ELK3: variants seen among roughly 807,000 people sequenced by gnomAD.
ELK3 encodes the protein ETS transcription factor ELK3.
A neutral mutation model predicts 28.9 loss-of-function variants in ELK3; 10 were observed. The ratio of observed to expected loss-of-function variants is 0.35; its 90% CI spans 0.21 to 0.59. ELK3 has a LOEUF of 0.59. Among genes scored for constraint, ELK3 ranks in the 20% least tolerant of loss-of-function variants. The pLI is 0.82. For missense variants in ELK3, 463 were observed against 517.3 expected (o/e 0.90, Z 1.02); for synonymous variants, 272 against 243.5 (o/e 1.12, Z -1.09).
At chr12:96,237,704 C>T (rs1417832362) in intron 2 of ELK3, among the ~76,000 whole-genome samples, 1 of 152,230 alleles carries the variant, frequency 6.6e-6, no homozygotes, top group East Asian at 1.9e-4. Flanking sequence ...CCGCTTGAGC[C>T]CAGGAGCTCC....
intron 1 of ELK3, among the ~76,000 whole-genome samples, chr12:96,201,337 G>C (rs117053570): frequency 5.1e-4 from 78 of 152,230 alleles, no homozygotes; most frequent in Admixed American, 9.8e-4. Flanking sequence ...AGTTGAAGTG[G>C]AGGCTGGGTG....
intron 1 of ELK3, among the ~76,000 whole-genome samples, chr12:96,216,601 G>T (rs1453978410): frequency 6.6e-6 from 1 of 152,170 alleles, no homozygotes; most frequent in East Asian, 1.9e-4. Flanking sequence ...ATGCCTTCTA[G>T]CCTGGTGAAG....
chr12:96,213,026 G>C (rs1951587782), intron 1 of ELK3, among the ~76,000 whole-genome samples: 1 of 152,156 alleles, frequency 6.6e-6, no homozygotes, highest in African/African-American at 2.4e-5. Flanking sequence ...TTTGTCAGGG[G>C]CTGTGTTGGA....
chr12:96,195,174 G>T (rs1951454690), intron 1 of ELK3, among the ~76,000 whole-genome samples: 1 of 152,132 alleles, frequency 6.6e-6, no homozygotes, highest in Admixed American at 6.5e-5. Flanking sequence ...AGCTGGGACC[G>T]CAGTCAGGCT....
intron 1 of ELK3, among the ~76,000 whole-genome samples, chr12:96,215,255 AAAG>A (rs1370492975): frequency 2.0e-5 from 3 of 152,310 alleles, no homozygotes; most frequent in South Asian, 2.1e-4. Context: ...CCATCAGTAG[AAAG>A]AAGAACAAAT....
At chr12:96,232,138 G>A (rs930868695) in intron 2 of ELK3, among the ~76,000 whole-genome samples, 8 of 152,220 alleles carry the variant, frequency 5.3e-5, no homozygotes, top group African/African-American at 1.9e-4. Flanking sequence ...TAAAGGCAGG[G>A]ACGTGTGGAT....
chr12:96,203,743 C>T (rs767299304), intron 1 of ELK3, among the ~76,000 whole-genome samples: 1 of 152,156 alleles, frequency 6.6e-6, no homozygotes, highest in Non-Finnish European at 1.5e-5. Context: ...AAGTTCGATA[C>T]CAGCCTGGCC....
intron 3 of ELK3, among the ~76,000 whole-genome samples, chr12:96,257,070 C>T (rs905627581): frequency 5.3e-5 from 8 of 152,344 alleles, no homozygotes; most frequent in South Asian, 4.1e-4. Context: ...CTTGTTAAAA[C>T]GAGACTGTCT....
intron 2 of ELK3, among the ~76,000 whole-genome samples, chr12:96,226,266 T>C (rs879718519): frequency 3.3e-5 from 5 of 152,192 alleles, no homozygotes; most frequent in African/African-American, 4.8e-5. Flanking sequence ...CCCCTTTCTC[T>C]CTTGCCAGGC....
intron 2 of ELK3, among the ~76,000 whole-genome samples, chr12:96,245,738 G>C (rs935216038): frequency 6.6e-6 from 1 of 152,110 alleles, no homozygotes; most frequent in African/African-American, 2.4e-5. Context: ...GCAAGCATTT[G>C]GTAGGTAAAT....
chr12:96,199,515 A>T (rs922328758), intron 1 of ELK3, among the ~76,000 whole-genome samples: 19 of 110,080 alleles, frequency 1.7e-4, no homozygotes, highest in African/African-American at 2.1e-4. Context: ...TGTGTGTGTG[A>T]CCTTCTGTGA....
Position 96,267,071 on chromosome 12 carries a change from GT to G in ELK3, c.1126-10del. ...GCAATAATTATTGTAAAAATCTTTT[GT>G]CCCCTACAGTTCCCCACACTGCTTA... On this transcript the variant is annotated splice_polypyrimidine_tract_variant and intron_variant, in intron 4 of 4. Transcript: ENST00000228741. 1 of 1,602,298 alleles carries G rather than the reference GT, an allele frequency of 6.2e-7. No individual in the cohort carries two copies. Among genetic ancestry groups the G allele is most frequent in the Non-Finnish European group, 8.5e-7 (1 of 1,176,150 alleles).
chr12:96,263,019 T>C (rs1411165250), intron 4 of ELK3, among the ~76,000 whole-genome samples: 2 of 152,140 alleles, frequency 1.3e-5, no homozygotes, highest in Non-Finnish European at 2.9e-5. Context: ...ATGTACGCTA[T>C]AGATGTAATG....
chr12:96,223,829 T>C, intron 2 of ELK3, 56 bp downstream of exon 2: 1 of 1,544,504 alleles, frequency 6.5e-7, no homozygotes, highest in Non-Finnish European at 8.9e-7. Context: ...CCCCTCTGCG[T>C]AGTTCACTGA....
intron 3 of ELK3, among the ~76,000 whole-genome samples, chr12:96,256,417 C>T (rs1486199403): frequency 6.6e-6 from 1 of 152,092 alleles, no homozygotes; most frequent in Non-Finnish European, 1.5e-5. Flanking sequence ...AGTGCCTACA[C>T]GGTGGTCCTG....
At chr12:96,226,515 C>CCCACATGCACACACAGATGTCCACATGT (rs1951701163) in intron 2 of ELK3, among the ~76,000 whole-genome samples, 1 of 87,302 alleles carries the variant, frequency 1.1e-5, no homozygotes, top group Non-Finnish European at 2.2e-5. Context: ...CACACCCATG[C>CCCACATGCACACACAGATGTCCACATGT]CCACACAGAT....
chr12:96,264,772 G>C (rs2137046433), intron 4 of ELK3, among the ~76,000 whole-genome samples: 1 of 152,272 alleles, frequency 6.6e-6, no homozygotes, highest in East Asian at 1.9e-4. Flanking sequence ...GCGACAGAGT[G>C]ATCCTGTCTG....
At position 96,247,220 on chromosome 12, in the gene ELK3, C is replaced by T. The variant is rs1064000; in HGVS notation, c.488C>T (p.Thr163Met). The T allele has an allele frequency of 1.1e-5, 17 of 1,614,070 alleles. No individual in the cohort carries two copies. The highest frequency in any genetic ancestry group is 3.3e-4 in the Middle Eastern group (2 of 6,084). ...CCAGACGCCTTCAAGGCCATCAAGA[C>T]GGAGAAGCTGGAGGAGCCGCCCGAA... ...NPPDAFKAIKTEKLEEPPEDS... is the reference protein window; with the variant it reads ...NPPDAFKAIKMEKLEEPPEDS... Residue 163 changes from threonine to methionine, a missense_variant, in exon 3 of 5, where the codon ACG becomes ATG. This residue lies in a region of ELK3 where 408 missense variants were observed against 414.8 expected (regional missense o/e 0.98). Coordinates refer to ENST00000228741, the MANE Select transcript of ELK3 (RefSeq NM_005230.4). The surrounding 1 kb of genome is among the most constrained non-coding windows in gnomAD (Gnocchi z 5.5).
rs937868217 is a variant in ELK3, at chr12:96,269,640, T to G, written c.*2460T>G. 1 of 152,232 alleles carries G rather than the reference T, an allele frequency of 6.6e-6. No homozygotes were observed. The allele number at this position is 152,232 out of a possible 1,614,324, so 9.4% of individuals were successfully genotyped here. ...ATAGGTTTCAAAGAACATTAATGAC[T>G]TTCTTTTCCCTTTTATGTCTGCTTA... On this transcript the variant is annotated 3_prime_UTR_variant, in exon 5 of 5. Coordinates refer to ENST00000228741, the MANE Select transcript of ELK3 (RefSeq NM_005230.4).
Sources: gnomAD v4.1 joint callset for allele counts (sites outside exome capture counted in the v4.1 genomes callset) on GRCh38, gnomAD v4.1.1 for gene constraint, gnomAD v4.1.1 regional missense constraint, Gnocchi (gnomAD v3.1) non-coding constraint, MANE v1.5 for transcripts, NCBI Gene and HGNC (gene_info 2026-07-23, HGNC 2026-07-21) for gene names.